PPA2: variants seen among roughly 807,000 people sequenced by gnomAD.
PPA2 encodes the protein inorganic pyrophosphatase 2.
Under a neutral mutation model 49.5 loss-of-function variants are expected in PPA2, and 48 were observed. The ratio of observed to expected loss-of-function variants is 0.97; its 90% CI spans 0.77 to 1.23. PPA2 has a LOEUF of 1.23. Ranked by LOEUF, PPA2 falls within the 50% of genes most tolerant of loss-of-function variation. The pLI is 0.00. For missense variants in PPA2, 429 were observed against 410.1 expected (o/e 1.05, Z -0.40); for synonymous variants, 131 against 139.9 (o/e 0.94, Z 0.45).
chr4:105,406,598 G>A (rs1722484989), intron 7 of PPA2, among the ~76,000 whole-genome samples: 3 of 152,090 alleles, frequency 2.0e-5, no homozygotes, highest in Admixed American at 2.0e-4. Context: ...CTAGTAACAA[G>A]GTTTACATGA....
At chr4:105,371,396 T>A (rs913307311) in intron 10 of PPA2, among the ~76,000 whole-genome samples, 23 of 152,324 alleles carry the variant, frequency 1.5e-4, no homozygotes, top group African/African-American at 5.3e-4. Context: ...TAATTAAGAA[T>A]AATACTTTTT....
intron 10 of PPA2, among the ~76,000 whole-genome samples, chr4:105,381,733 A>G (rs57624740): frequency 0.032 from 4,895 of 152,082 alleles, 260 homozygotes; most frequent in African/African-American, 0.11. Context: ...AATTCTTGCT[A>G]TTTTTACTTG....
intron 5 of PPA2, among the ~76,000 whole-genome samples, chr4:105,441,330 CTTATAAAT>C (rs1375934336): frequency 2.0e-5 from 3 of 152,028 alleles, no homozygotes; most frequent in Non-Finnish European, 2.9e-5. Flanking sequence ...ACATGAATGA[CTTATAAAT>C]TAAGAAAAGA....
intron 7 of PPA2, among the ~76,000 whole-genome samples, chr4:105,422,106 C>G (rs1723280202): frequency 6.6e-6 from 1 of 152,112 alleles, no homozygotes; most frequent in African/African-American, 2.4e-5. Flanking sequence ...TAAGTACTAA[C>G]TAATGAGAAC....
intron 9 of PPA2, among the ~76,000 whole-genome samples, chr4:105,389,835 A>G (rs1339857318): frequency 1.3e-5 from 2 of 152,326 alleles, no homozygotes; most frequent in African/African-American, 2.4e-5. Flanking sequence ...ATTTAAAGAG[A>G]TCAGAATGAC....
At chr4:105,428,253 T>C (rs973254368) in intron 6 of PPA2, among the ~76,000 whole-genome samples, 3 of 152,118 alleles carry the variant, frequency 2.0e-5, no homozygotes, top group Admixed American at 6.5e-5. Context: ...ACACGCCAAA[T>C]TGTAAAGATG....
chr4:105,461,855 C>T (rs1284738893), intron 1 of PPA2, among the ~76,000 whole-genome samples: 2 of 152,170 alleles, frequency 1.3e-5, no homozygotes, highest in African/African-American at 4.8e-5. Flanking sequence ...AGACAAGACA[C>T]GTTACATCAC....
At chr4:105,438,131 A>C in intron 5 of PPA2, 95 bp from the exon 6 acceptor site, 1 of 863,360 alleles carries the variant, frequency 1.2e-6, no homozygotes, top group Non-Finnish European at 1.7e-6. Context: ...ATAGATAACA[A>C]TAATCCAAAG....
intron 9 of PPA2, among the ~76,000 whole-genome samples, chr4:105,387,053 A>C (rs2110376712): frequency 6.6e-6 from 1 of 152,310 alleles, no homozygotes; most frequent in East Asian, 1.9e-4. Context: ...TTTTTGCGGA[A>C]TCTCTTTCAC....
At chr4:105,451,690 C>T (rs1247872447) in intron 3 of PPA2, among the ~76,000 whole-genome samples, 3 of 152,146 alleles carry the variant, frequency 2.0e-5, no homozygotes, top group African/African-American at 4.8e-5. Flanking sequence ...TGGTGACAAT[C>T]GTTTTACACA....
chr4:105,431,600 T>A (rs751289759), intron 6 of PPA2, among the ~76,000 whole-genome samples: 25 of 152,080 alleles, frequency 1.6e-4, no homozygotes, highest in Non-Finnish European at 3.5e-4. Flanking sequence ...AAAAAATGGA[T>A]AAGAGTATTC....
intron 6 of PPA2, among the ~76,000 whole-genome samples, chr4:105,428,065 AT>A (rs1723610815): frequency 6.6e-6 from 1 of 152,174 alleles, no homozygotes; most frequent in Non-Finnish European, 1.5e-5. Flanking sequence ...AAAGAAAAGA[AT>A]TTTCAACCCA....
chr4:105,370,125 T>A (rs987718714), intron 11 of PPA2, among the ~76,000 whole-genome samples: 1 of 152,230 alleles, frequency 6.6e-6, no homozygotes, highest in Non-Finnish European at 1.5e-5. Context: ...TGGGATAGTA[T>A]CGCAAAGAAA....
intron 9 of PPA2, 36 bp downstream of exon 9, chr4:105,396,213 T>TAAA (rs66977879): frequency 1.5e-6 from 2 of 1,310,786 alleles, no homozygotes; most frequent in Admixed American, 4.6e-5. Flanking sequence ...TACCAATTAA[T>TAAA]ATAACATTAC....
intron 7 of PPA2, among the ~76,000 whole-genome samples, chr4:105,423,639 A>C (rs1723351221): frequency 6.6e-6 from 1 of 152,204 alleles, no homozygotes; most frequent in Admixed American, 6.5e-5. Flanking sequence ...GTCTGACTCC[A>C]AACAAAATTA....
chr4:105,455,815 A>G (rs1441915911), intron 2 of PPA2, among the ~76,000 whole-genome samples: 2 of 152,160 alleles, frequency 1.3e-5, no homozygotes, highest in South Asian at 2.1e-4. Flanking sequence ...CTCTGCCCCT[A>G]TATTGATCAC....
chr4:105,468,618 G>GA (rs1723402357), intron 1 of PPA2, among the ~76,000 whole-genome samples: 1 of 152,068 alleles, frequency 6.6e-6, no homozygotes, highest in Non-Finnish European at 1.5e-5. Flanking sequence ...AAAAAGACTA[G>GA]AAAAAATCAC....
chr4:105,448,505 C>T (rs1722509763), intron 4 of PPA2, among the ~76,000 whole-genome samples: 1 of 150,184 alleles, frequency 6.7e-6, no homozygotes. Context: ...CTATAGCTAA[C>T]TGAAGAAAGA....
chr4:105,422,411 CA>C (rs1723292080), intron 7 of PPA2, among the ~76,000 whole-genome samples: 1 of 152,112 alleles, frequency 6.6e-6, no homozygotes, highest in South Asian at 2.1e-4. Flanking sequence ...GAAAGGTGTC[CA>C]AAGTGCAAAG....
Sources: gnomAD v4.1 joint callset for allele counts (sites outside exome capture counted in the v4.1 genomes callset) on GRCh38, gnomAD v4.1.1 for gene constraint, MANE v1.5 for transcripts, NCBI Gene and HGNC (gene_info 2026-07-23, HGNC 2026-07-21) for gene names.